The following SHLD2 variants were observed in gnomAD, a reference collection of about 807,000 sequenced individuals.
SHLD2 encodes the protein shieldin complex subunit 2, also known as RINN1-REV7-interacting novel NHEJ regulator 2.
A neutral mutation model predicts 73.2 loss-of-function variants in SHLD2; 30 were observed. That is an observed-to-expected ratio of 0.41 (90% CI 0.31 to 0.56). SHLD2 has a LOEUF of 0.56. Among genes scored for constraint, SHLD2 ranks in the 20% least tolerant of loss-of-function variants. SHLD2 has a pLI of 0.28. For missense variants in SHLD2, 745 were observed against 1,055.9 expected (o/e 0.71, Z 4.08); for synonymous variants, 285 against 370.1 (o/e 0.77, Z 2.64).
chr10:87,127,541 C>CCCCCCG (rs1554829077), intron 2 of SHLD2, among the ~76,000 whole-genome samples: 1 of 82,094 alleles, frequency 1.2e-5, no homozygotes, highest in Non-Finnish European at 2.6e-5. Flanking sequence ...CCCCCCCCAC[C>CCCCCCG]CCGTCTGCCA....
chr10:87,123,282 GT>G (rs1843751985), intron 2 of SHLD2, among the ~76,000 whole-genome samples: 1 of 152,004 alleles, frequency 6.6e-6, no homozygotes, highest in African/African-American at 2.4e-5. Context: ...TCTACTTTCT[GT>G]TATATAGTGC....
Position 87,151,492 on chromosome 10 carries a change from T to G in SHLD2, c.138T>G (p.His46Gln), listed in dbSNP as rs1846008603. Residue 46 changes from histidine to glutamine, a missense_variant, in exon 3 of 10, where the codon CAT becomes CAG. By Grantham distance (24) the His-to-Gln change is conservative (BLOSUM62 0). Coordinates refer to ENST00000298786, the MANE Select transcript of SHLD2 (RefSeq NM_001330112.2). ...AAATTCAGCTTTTATACAGTCAACA[T>G]TCTTTATATCTGAAGGATGAAAAAC... ...WKKIQLLYSQHSLYLKDEKQH... is the reference protein window; with the variant it reads ...WKKIQLLYSQQSLYLKDEKQH... 2 of 1,611,120 alleles carry G rather than the reference T, an allele frequency of 1.2e-6. No individual in the cohort carries two copies. The highest frequency in any genetic ancestry group is 3.3e-5 in the Admixed American group (2 of 59,756).
rs566735351 is a variant in SHLD2 at position 87,133,947 on chromosome 10, C to T, written c.-5-17403C>T. 3.5e-4 allele frequency among the ~76,000 whole-genome samples: 54 copies of T among 152,178 alleles called. 1 individual carries two copies. The South Asian group carries it at 9.9e-3, about 28-fold the overall frequency. Reference sequence around the variant, plus strand: ...CAAATAAGAAAAATAAAATTCCTGCCCTTGTGGAGGAGACAGTTAAACAAT... The same window carrying T: ...CAAATAAGAAAAATAAAATTCCTGCTCTTGTGGAGGAGACAGTTAAACAAT... On this transcript the variant is annotated intron_variant, in intron 2 of 9. Transcript: ENST00000298786.
chr10:87,178,530 C>T (rs896657693), intron 7 of SHLD2, among the ~76,000 whole-genome samples: 1 of 151,424 alleles, frequency 6.6e-6, no homozygotes, highest in Non-Finnish European at 1.5e-5. Context: ...GCCTGGTCAA[C>T]ATGGCAAATC....
At chr10:87,169,922 T>G (rs1052354317) in intron 4 of SHLD2, among the ~76,000 whole-genome samples, 2 of 152,186 alleles carry the variant, frequency 1.3e-5, no homozygotes, top group Non-Finnish European at 2.9e-5. Context: ...TCTATAGTGG[T>G]AATCATTCTA....
At chr10:87,186,150 G>GA (rs1295395113) in intron 8 of SHLD2, among the ~76,000 whole-genome samples, 1 of 152,164 alleles carries the variant, frequency 6.6e-6, no homozygotes, top group Non-Finnish European at 1.5e-5. Flanking sequence ...AATGGAGGGA[G>GA]AGAGAGGCTG....
chr10:87,150,815 C>T (rs7098729), intron 2 of SHLD2, among the ~76,000 whole-genome samples: 1 of 151,480 alleles, frequency 6.6e-6, no homozygotes. Context: ...GTGTGCTTAG[C>T]TTTATTCCCC....
At chr10:87,137,746 A>C (rs891997432) in intron 2 of SHLD2, among the ~76,000 whole-genome samples, 4 of 152,236 alleles carry the variant, frequency 2.6e-5, no homozygotes, top group African/African-American at 9.6e-5. Flanking sequence ...AAACAAAAAT[A>C]AGCCAACAAA....
intron 3 of SHLD2, among the ~76,000 whole-genome samples, chr10:87,156,012 A>T (rs935553584): frequency 6.6e-6 from 1 of 151,582 alleles, no homozygotes; most frequent in African/African-American, 2.4e-5. Flanking sequence ...ACTTAGTTGG[A>T]TAGCCTGGGT....
chr10:87,099,288 A>G (rs1842112461), intron 2 of SHLD2, among the ~76,000 whole-genome samples: 1 of 152,244 alleles, frequency 6.6e-6, no homozygotes, highest in African/African-American at 2.4e-5. Flanking sequence ...GTTAGGATTT[A>G]GAAAAACATA....
intron 2 of SHLD2, among the ~76,000 whole-genome samples, chr10:87,137,323 AAT>A (rs1434350444): frequency 6.6e-6 from 1 of 152,150 alleles, no homozygotes; most frequent in African/African-American, 2.4e-5. Context: ...AATTCCATTA[AAT>A]AGAGGTGAAA....
At chr10:87,169,706 C>T (rs1469712734) in intron 4 of SHLD2, among the ~76,000 whole-genome samples, 1 of 150,674 alleles carries the variant, frequency 6.6e-6, no homozygotes, top group African/African-American at 2.5e-5. Flanking sequence ...AACTCATCAG[C>T]CTGTACATTT....
chr10:87,122,373 CA>C (rs1185856549), intron 2 of SHLD2, among the ~76,000 whole-genome samples: 1 of 152,088 alleles, frequency 6.6e-6, no homozygotes, highest in East Asian at 1.9e-4. Flanking sequence ...ATATTCTGCC[CA>C]TTTTAAAATT....
chr10:87,145,979 T>A (rs1338636527), intron 2 of SHLD2, among the ~76,000 whole-genome samples: 1 of 152,212 alleles, frequency 6.6e-6, no homozygotes. Context: ...ATATTTTGTT[T>A]CCCCCTGCCC....
At chr10:87,119,706 A>AGGC (rs1255739772) in intron 2 of SHLD2, among the ~76,000 whole-genome samples, 1 of 150,656 alleles carries the variant, frequency 6.6e-6, no homozygotes, top group African/African-American at 2.4e-5. Context: ...TGAACCCGGG[A>AGGC]GGCGGAGGTT....
At chr10:87,179,699 C>G (rs1188911473) in intron 7 of SHLD2, among the ~76,000 whole-genome samples, 1 of 152,220 alleles carries the variant, frequency 6.6e-6, no homozygotes, top group Non-Finnish European at 1.5e-5. Context: ...CTGCGCCCGG[C>G]CCCTATTTGG....
chr10:87,152,090 A>G lies in SHLD2; in HGVS notation c.736A>G (p.Ile246Val), dbSNP rs372675298. 67 of 1,612,002 alleles carry G rather than the reference A, an allele frequency of 4.2e-5. No individual in the cohort carries two copies. In the East Asian group the frequency reaches 1.3e-3, roughly 31 times the overall value. The change falls in exon 3 of 10, where the codon ATT becomes GTT. Residue 246 changes from isoleucine to valine, a missense_variant. Physicochemically the swap from Ile to Val is conservative, Grantham distance 29. Coordinates refer to ENST00000298786, the MANE Select transcript of SHLD2 (RefSeq NM_001330112.2). ...ISTDTEFLSI[I>V]TSSQVAFLAQ... ...AACTGATACAGAATTTCTCAGTATA[A>G]TTACCTCCAGCCAGGTTGCTTTTTT...
intron 7 of SHLD2, among the ~76,000 whole-genome samples, chr10:87,178,382 C>T (rs1338401037): frequency 6.6e-6 from 1 of 151,872 alleles, no homozygotes; most frequent in Non-Finnish European, 1.5e-5. Context: ...GCACATCTAC[C>T]CTCTGAATCT....
intron 2 of SHLD2, among the ~76,000 whole-genome samples, chr10:87,150,111 C>G (rs1330986789): frequency 7.1e-6 from 1 of 140,124 alleles, no homozygotes; most frequent in Non-Finnish European, 1.5e-5. Context: ...GTCGCCCAGG[C>G]TGGAGTGCAG....
Sources: gnomAD v4.1 joint callset for allele counts (sites outside exome capture counted in the v4.1 genomes callset) on GRCh38, gnomAD v4.1.1 for gene constraint, MANE v1.5 for transcripts, NCBI Gene and HGNC (gene_info 2026-07-23, HGNC 2026-07-21) for gene names.